ANKRD44: variants seen among roughly 807,000 people sequenced by gnomAD.
The protein encoded by ANKRD44 is ankyrin repeat domain 44.
In ANKRD44, 35 loss-of-function variants were observed where a neutral mutation model predicts 116.0. The observed-to-expected ratio is 0.30, with a 90% CI of 0.23 to 0.40. The LOEUF is 0.40. ANKRD44 is among the 10% of genes least tolerant of loss of function. ANKRD44 has a pLI of 1.00. For missense variants in ANKRD44, 1,014 were observed against 1,242.6 expected (o/e 0.82, Z 2.77); for synonymous variants, 435 against 461.8 (o/e 0.94, Z 0.74).
At chr2:197,255,578 T>C (rs2082425193) in intron 1 of ANKRD44, among the ~76,000 whole-genome samples, 1 of 152,232 alleles carries the variant, frequency 6.6e-6, no homozygotes, top group African/African-American at 2.4e-5. Context: ...GAATTGAGAA[T>C]CTGTAAATTG....
chr2:196,991,481 C>T (rs1037974747), intron 27 of ANKRD44, among the ~76,000 whole-genome samples: 2 of 152,036 alleles, frequency 1.3e-5, no homozygotes, highest in Non-Finnish European at 2.9e-5. Flanking sequence ...AAAATAGACA[C>T]CAATAACTGG....
chr2:197,103,196 C>A (rs2078341251), intron 9 of ANKRD44, among the ~76,000 whole-genome samples: 1 of 146,130 alleles, frequency 6.8e-6, no homozygotes, highest in African/African-American at 2.6e-5. Context: ...CCACTGCGCT[C>A]CAGCCTGGGC....
chr2:197,305,005 G>C (rs2084025367), intron 1 of ANKRD44, among the ~76,000 whole-genome samples: 1 of 152,178 alleles, frequency 6.6e-6, no homozygotes, highest in African/African-American at 2.4e-5. Flanking sequence ...GTGAATATAT[G>C]ATGACCACAT....
chr2:197,197,809 C>CAAAAAAA (rs199994103), intron 1 of ANKRD44, among the ~76,000 whole-genome samples: 17 of 114,160 alleles, frequency 1.5e-4, no homozygotes, highest in African/African-American at 3.9e-4. Flanking sequence ...AATCCTGTCT[C>CAAAAAAA]AAAAAAAAAA....
chr2:197,095,647 C>T (rs1412899686), intron 10 of ANKRD44, among the ~76,000 whole-genome samples: 3 of 152,160 alleles, frequency 2.0e-5, no homozygotes, highest in Non-Finnish European at 4.4e-5. Flanking sequence ...GGGTCCAGAT[C>T]CAGTAGACTG....
intron 16 of ANKRD44, among the ~76,000 whole-genome samples, chr2:197,038,746 A>G (rs751257211): frequency 6.6e-6 from 1 of 152,208 alleles, no homozygotes; most frequent in Non-Finnish European, 1.5e-5. Context: ...ATCTTGCTGT[A>G]GGTGTTCCAG....
intron 1 of ANKRD44, among the ~76,000 whole-genome samples, chr2:197,268,862 T>A (rs1034108411): frequency 4.6e-5 from 7 of 152,202 alleles, no homozygotes; most frequent in African/African-American, 1.7e-4. Context: ...GGGGAAATCA[T>A]GTTTTAAAAT....
chr2:197,257,764 C>T (rs575082282), intron 1 of ANKRD44, among the ~76,000 whole-genome samples: 13 of 152,294 alleles, frequency 8.5e-5, no homozygotes, highest in African/African-American at 2.9e-4. Flanking sequence ...TTTTAACCAT[C>T]TTTAAGTGTA....
chr2:197,072,813 C>A (rs1287981043), intron 16 of ANKRD44, among the ~76,000 whole-genome samples: 5 of 152,150 alleles, frequency 3.3e-5, no homozygotes, highest in Admixed American at 3.3e-4. Flanking sequence ...TGGATATAAT[C>A]AAATAATACA....
At chr2:197,210,683 C>T (rs1396173054) in intron 1 of ANKRD44, among the ~76,000 whole-genome samples, 5 of 146,142 alleles carry the variant, frequency 3.4e-5, no homozygotes, top group African/African-American at 1.3e-4. Context: ...AACATCTTGT[C>T]TTGGAGAGAT....
At chr2:197,090,531 A>G (rs1472315546) in intron 10 of ANKRD44, among the ~76,000 whole-genome samples, 1 of 143,248 alleles carries the variant, frequency 7.0e-6, no homozygotes, top group Non-Finnish European at 1.5e-5. Context: ...CTCACCTGTC[A>G]CCCAGGCTGG....
chr2:197,284,503 A>AACAC (rs10547024), intron 1 of ANKRD44, among the ~76,000 whole-genome samples: 1,602 of 137,834 alleles, frequency 0.012, 10 homozygotes, highest in African/African-American at 0.015. Flanking sequence ...CAGAGAGTCA[A>AACAC]ACACACACAC....
At chr2:197,097,997 C>T (rs1387947873) in intron 10 of ANKRD44, among the ~76,000 whole-genome samples, 2 of 152,178 alleles carry the variant, frequency 1.3e-5, no homozygotes, top group African/African-American at 2.4e-5. Context: ...GTCTTTATAA[C>T]GACTGTTCCC....
chr2:197,123,867 C>T (rs960045117), intron 6 of ANKRD44, among the ~76,000 whole-genome samples: 3 of 151,922 alleles, frequency 2.0e-5, no homozygotes, highest in South Asian at 2.1e-4. Flanking sequence ...AAATTTTTTT[C>T]GATTATTAGT....
chr2:197,232,823 C>T (rs1303853196), intron 1 of ANKRD44, among the ~76,000 whole-genome samples: 1 of 152,244 alleles, frequency 6.6e-6, no homozygotes, highest in East Asian at 1.9e-4. Context: ...GAGAGCAGAA[C>T]TCTCACGCAC....
Position 197,089,451 on chromosome 2 carries a change from A to G in ANKRD44, c.1183+499T>C, listed in dbSNP as rs543240446. Among the ~76,000 whole-genome samples, 13 of 152,326 alleles carry G rather than the reference A, an allele frequency of 8.5e-5. No individual in the cohort carries two copies. In the East Asian group the frequency reaches 2.3e-3, roughly 27 times the overall value. On this transcript the variant is annotated intron_variant, in intron 11 of 27. Coordinates refer to ENST00000282272, the MANE Select transcript of ANKRD44 (RefSeq NM_001195144.2). ...ACCAGAAACAATCTCTTGGCTCCAAATAGTCTCATATTTTAAAAATTGAAA... is the reference window on the plus strand; with the variant it reads ...ACCAGAAACAATCTCTTGGCTCCAAGTAGTCTCATATTTTAAAAATTGAAA...
chr2:197,001,061 A>G (rs1429069878), intron 22 of ANKRD44, among the ~76,000 whole-genome samples: 1 of 151,832 alleles, frequency 6.6e-6, no homozygotes, highest in Non-Finnish European at 1.5e-5. Flanking sequence ...TAAACAAAAT[A>G]AAATCTTTCT....
At chr2:197,293,706 T>C (rs148816318) in intron 1 of ANKRD44, among the ~76,000 whole-genome samples, 169 of 152,344 alleles carry the variant, frequency 1.1e-3, no homozygotes, top group Non-Finnish European at 2.1e-3. Flanking sequence ...CACGGTCTTC[T>C]GTGTATCACA....
At chr2:197,176,462 C>T (rs545336184) in intron 2 of ANKRD44, among the ~76,000 whole-genome samples, 58 of 152,234 alleles carry the variant, frequency 3.8e-4, no homozygotes, top group Non-Finnish European at 5.6e-4. Context: ...ACCCATAGAA[C>T]CCAAGACTTC....
Sources: allele counts gnomAD v4.1 joint callset (sites outside exome capture counted in the v4.1 genomes callset), GRCh38; gene constraint gnomAD v4.1.1; transcripts MANE v1.5; gene names NCBI Gene and HGNC (gene_info 2026-07-23, HGNC 2026-07-21).